The following LRPPRC variants were observed in gnomAD, a reference collection of about 807,000 sequenced individuals.
The protein encoded by LRPPRC is leucine rich pentatricopeptide repeat containing.
A neutral mutation model predicts 180.3 loss-of-function variants in LRPPRC; 120 were observed. The observed-to-expected ratio is 0.67, with a 90% CI of 0.57 to 0.77. The LOEUF (loss-of-function observed/expected upper bound fraction) is 0.77, where lower values mean the gene tolerates loss of function less well. LRPPRC is among the 30% of genes least tolerant of loss of function. The pLI, the probability that LRPPRC is intolerant of heterozygous loss-of-function variation, is 0.00. For missense variants in LRPPRC, 2,012 were observed against 1,657.2 expected (o/e 1.21, Z -3.72); for synonymous variants, 723 against 600.0 (o/e 1.21, Z -3.00).
chr2:43,978,666 G>GT (rs1674167031), intron 3 of LRPPRC, among the ~76,000 whole-genome samples: 2 of 151,616 alleles, frequency 1.3e-5, no homozygotes, highest in South Asian at 4.2e-4. Flanking sequence ...TATCTATATA[G>GT]TTTTTAACTT....
At chr2:43,943,316 A>G (rs547526469) in intron 23 of LRPPRC, among the ~76,000 whole-genome samples, 93 of 152,214 alleles carry the variant, frequency 6.1e-4, no homozygotes, top group African/African-American at 2.2e-3. Flanking sequence ...GGAGCACTGA[A>G]GATGCTTCAA....
chr2:43,960,891 A>G (rs1259990777), intron 12 of LRPPRC, among the ~76,000 whole-genome samples: 4 of 152,208 alleles, frequency 2.6e-5, no homozygotes, highest in Non-Finnish European at 5.9e-5. Flanking sequence ...TACTGAGGAC[A>G]CTAGAATAAT....
intron 8 of LRPPRC, among the ~76,000 whole-genome samples, 159 bp downstream of exon 8, chr2:43,974,455 G>A (rs1372874932): frequency 6.6e-6 from 1 of 152,138 alleles, no homozygotes; most frequent in Non-Finnish European, 1.5e-5. Flanking sequence ...TCATCCCCAT[G>A]TGTTCATTAA....
intron 1 of LRPPRC, among the ~76,000 whole-genome samples, chr2:43,984,026 G>A (rs62135117): frequency 6.6e-6 from 1 of 151,952 alleles, no homozygotes; most frequent in African/African-American, 2.4e-5. Context: ...TAATTGACTC[G>A]AGTTTGTCAA....
intron 1 of LRPPRC, among the ~76,000 whole-genome samples, chr2:43,985,884 T>C (rs1674507511): frequency 6.6e-6 from 1 of 152,234 alleles, no homozygotes; most frequent in African/African-American, 2.4e-5. Flanking sequence ...AAGAAAACTA[T>C]CAAACTATCT....
At position 43,973,634 on chromosome 2, in the gene LRPPRC, C is replaced by G; in HGVS notation, c.1342G>C (p.Gly448Arg). 3 of 1,613,830 alleles carry G rather than the reference C, an allele frequency of 1.9e-6. No individual in the cohort carries two copies. Among genetic ancestry groups the G allele is most frequent in the Non-Finnish European group, 1.7e-6 (2 of 1,179,740 alleles). ...TGAACATTTTTTTCCTTCCGACGTC[C>G]AACTAGCAATGGCCAGAAATAGTGA... ...RPHYFWPLLV[G>R]RRKEKNVQGI... is the part of the protein sequence containing the mutation. The change falls in exon 11 of 38, where the codon GGA becomes CGA. Residue 448 changes from glycine to arginine, a missense_variant. Physicochemically the swap from Gly to Arg is moderately radical, Grantham distance 125. Transcript: ENST00000260665.
At chr2:43,991,441 A>G (rs978172562) in intron 1 of LRPPRC, among the ~76,000 whole-genome samples, 1 of 152,210 alleles carries the variant, frequency 6.6e-6, no homozygotes, top group African/African-American at 2.4e-5. Flanking sequence ...TCAAAGAACA[A>G]TATGTAATTT....
Position 43,912,387 on chromosome 2 carries a change from T to C in LRPPRC, c.3275+45A>G, listed in dbSNP as rs769372855. On this transcript the variant is annotated intron_variant, in intron 30 of 37. Coordinates refer to ENST00000260665, the MANE Select transcript of LRPPRC (RefSeq NM_133259.4). ...ATAATTATTGGCTAATGGCAGCCAA[T>C]ATTCTTTTTTAAACAAGAGGTTTAA... 2.6e-6 allele frequency: 4 copies of C among 1,568,524 alleles called. No homozygotes were observed. The East Asian group carries it at 6.7e-5, about 26-fold the overall frequency.
chr2:43,887,577 G>C lies in LRPPRC; in HGVS notation c.*1023C>G, dbSNP rs1442934533. On this transcript the variant is annotated 3_prime_UTR_variant, in exon 38 of 38. Transcript: ENST00000260665. ...CAAGGAATACCCCAAAATGGGGAGA[G>C]TTCTCAAAACATTTTCAACATTTCG... 4 of 152,294 alleles carry C rather than the reference G, an allele frequency of 2.6e-5. No individual in the cohort carries two copies. The highest frequency in any genetic ancestry group is 9.6e-5 in the African/African-American group (4 of 41,560). The allele number at this position is 152,294 out of a possible 1,614,324, so 9.4% of individuals were successfully genotyped here.
chr2:43,947,915 T>G (rs1672750938), intron 18 of LRPPRC, 140 bp from the exon 19 acceptor site: 2 of 675,626 alleles, frequency 3.0e-6, no homozygotes. Context: ...CTCTTCATAC[T>G]TTATTAATCA....
Position 43,903,636 on chromosome 2 carries a change from G to A in LRPPRC, c.3364+2056C>T, listed in dbSNP as rs374805460. On this transcript the variant is annotated intron_variant, in intron 31 of 37. Transcript: ENST00000260665. ...AGTGCGCTCGAGGCTCCTGCTCTCAGGCAACCTCCAATTGAGCTGAACAGC... is the reference window on the plus strand; with the variant it reads ...AGTGCGCTCGAGGCTCCTGCTCTCAAGCAACCTCCAATTGAGCTGAACAGC... The A allele has an allele frequency of 3.9e-5, 6 of 152,370 alleles. 1 individual carries two copies. The highest frequency in any genetic ancestry group is 6.5e-5 in the Admixed American group (1 of 15,280). 9.4% of individuals were successfully genotyped at this position (152,370 alleles called of 1,614,324 possible).
chr2:43,915,736 A>G (rs1197094915), intron 29 of LRPPRC, among the ~76,000 whole-genome samples: 1 of 152,184 alleles, frequency 6.6e-6, no homozygotes, highest in Non-Finnish European at 1.5e-5. Context: ...GAGGAGGCAT[A>G]AGAACTTATT....
intron 11 of LRPPRC, among the ~76,000 whole-genome samples, chr2:43,968,309 C>T (rs886777258): frequency 2.6e-5 from 4 of 152,188 alleles, no homozygotes; most frequent in Non-Finnish European, 4.4e-5. Flanking sequence ...CATCCATGGA[C>T]TATGCAAGGC....
chr2:43,896,875 G>C (rs954473073), intron 34 of LRPPRC, among the ~76,000 whole-genome samples, 167 bp from the exon 35 acceptor site: 32 of 152,092 alleles, frequency 2.1e-4, no homozygotes, highest in African/African-American at 7.5e-4. Context: ...AAGAAAACAA[G>C]TGCAAGCTAT....
At chr2:43,936,007 C>T (rs138480964) in intron 23 of LRPPRC, among the ~76,000 whole-genome samples, 49 of 151,972 alleles carry the variant, frequency 3.2e-4, no homozygotes, top group African/African-American at 9.4e-4. Context: ...CCCTTGAACC[C>T]GGGAGGTGGA....
intron 26 of LRPPRC, among the ~76,000 whole-genome samples, chr2:43,925,684 T>G (rs898542773): frequency 3.9e-5 from 6 of 152,128 alleles, no homozygotes; most frequent in Non-Finnish European, 8.8e-5. Flanking sequence ...TTAAAGATAA[T>G]ATCATCAGGG....
intron 11 of LRPPRC, among the ~76,000 whole-genome samples, chr2:43,970,168 AAT>A (rs1401905399): frequency 1.3e-5 from 2 of 152,172 alleles, no homozygotes; most frequent in Non-Finnish European, 2.9e-5. Flanking sequence ...CTAAGCCTCA[AAT>A]ATGTTTCATT....
chr2:43,943,896 T>C lies in LRPPRC; in HGVS notation c.2297-2A>G. 1 of 1,603,230 alleles carries C rather than the reference T, an allele frequency of 6.2e-7. No individual in the cohort carries two copies. Among genetic ancestry groups the C allele is most frequent in the Non-Finnish European group, 8.5e-7 (1 of 1,170,348 alleles). On this transcript the variant is annotated splice_acceptor_variant, in intron 22 of 37. Coordinates refer to ENST00000260665, the MANE Select transcript of LRPPRC (RefSeq NM_133259.4). LOFTEE classifies it high-confidence loss of function. ...TCTCCTTCAGAATGTTAATAGCATC[T>C]ACAATGAAGTAACACAAAAGACCCT...
chr2:43,955,474 G>GAAAAAAA (rs200193004), intron 14 of LRPPRC, among the ~76,000 whole-genome samples: 9 of 115,258 alleles, frequency 7.8e-5, no homozygotes, highest in African/African-American at 1.3e-4. Context: ...GTCTCAAAAA[G>GAAAAAAA]AAAAAAAAAA....
Sources: gnomAD v4.1 joint callset for allele counts (sites outside exome capture counted in the v4.1 genomes callset) on GRCh38, gnomAD v4.1.1 for gene constraint, MANE v1.5 for transcripts, NCBI Gene and HGNC (gene_info 2026-07-23, HGNC 2026-07-21) for gene names.